LOC128125817: variants seen among roughly 807,000 people sequenced by gnomAD.
the LOC128125817 span, among the ~76,000 whole-genome samples, chr1:41,625,383 T>C: frequency 6.6e-6 from 1 of 152,082 alleles, no homozygotes; most frequent in South Asian, 2.1e-4. Flanking sequence ...CCATAGATAA[T>C]GCATTTAAAA....
the LOC128125817 span, among the ~76,000 whole-genome samples, chr1:41,591,387 C>A: frequency 1.3e-5 from 2 of 152,134 alleles, no homozygotes; most frequent in African/African-American, 4.8e-5. Flanking sequence ...TGGGCAGAGC[C>A]TTGGCCTGCA....
At chr1:41,617,112 T>G in the LOC128125817 span, among the ~76,000 whole-genome samples, 1 of 152,218 alleles carries the variant, frequency 6.6e-6, no homozygotes, top group Non-Finnish European at 1.5e-5. Flanking sequence ...GTCTCAATCT[T>G]GTTACAGCTG....
the LOC128125817 span, among the ~76,000 whole-genome samples, chr1:41,607,714 A>C: frequency 6.6e-6 from 1 of 152,178 alleles, no homozygotes; most frequent in South Asian, 2.1e-4. Flanking sequence ...TAAAGTTAGG[A>C]TATGTATTAG....
chr1:41,608,917 C>CAAAAA, the LOC128125817 span, among the ~76,000 whole-genome samples: 1,310 of 123,494 alleles, frequency 0.011, 16 homozygotes, highest in Middle Eastern at 0.029. Flanking sequence ...CTAAAAATAC[C>CAAAAA]AAAAAAAAAA....
At chr1:41,613,454 T>G in the LOC128125817 span, among the ~76,000 whole-genome samples, 3 of 152,228 alleles carry the variant, frequency 2.0e-5, no homozygotes, top group Admixed American at 6.5e-5. Context: ...ACCTTCATGT[T>G]CTCTGTGCCT....
At chr1:41,615,464 G>A in the LOC128125817 span, among the ~76,000 whole-genome samples, 2 of 152,240 alleles carry the variant, frequency 1.3e-5, no homozygotes, top group Non-Finnish European at 2.9e-5. Flanking sequence ...TAAAGTCCAC[G>A]TTTGACAGGT....
At chr1:41,609,335 C>A in the LOC128125817 span, among the ~76,000 whole-genome samples, 2 of 152,252 alleles carry the variant, frequency 1.3e-5, no homozygotes, top group South Asian at 4.1e-4. Flanking sequence ...CCTAGTTCCA[C>A]TGAGGGTAGG....
chr1:41,591,410 G>A, the LOC128125817 span, among the ~76,000 whole-genome samples: 1 of 152,184 alleles, frequency 6.6e-6, no homozygotes, highest in Non-Finnish European at 1.5e-5. Flanking sequence ...CTGGAGCCAA[G>A]TGGTCCTAGC....
chr1:41,598,460 G>T, the LOC128125817 span, among the ~76,000 whole-genome samples: 1 of 152,226 alleles, frequency 6.6e-6, no homozygotes, highest in African/African-American at 2.4e-5. Flanking sequence ...ATGACTGGGA[G>T]ACTGGGTGAC....
At chr1:41,624,066 A>G in the LOC128125817 span, among the ~76,000 whole-genome samples, 94,605 of 152,012 alleles carry the variant, frequency 0.62, 30,082 homozygotes, top group African/African-American at 0.76. Context: ...CCCAAGCCTC[A>G]GCAGAAGCTC....
At chr1:41,596,994 G>A in the LOC128125817 span, among the ~76,000 whole-genome samples, 1 of 152,128 alleles carries the variant, frequency 6.6e-6, no homozygotes, top group South Asian at 2.1e-4. Context: ...CCTCAATAAT[G>A]AATGGTGGAT....
the LOC128125817 span, among the ~76,000 whole-genome samples, chr1:41,601,090 T>C: frequency 1.3e-5 from 2 of 152,222 alleles, no homozygotes; most frequent in African/African-American, 4.8e-5. Context: ...TTTCGGGTTC[T>C]CTGTTCTGTT....
the LOC128125817 span, among the ~76,000 whole-genome samples, chr1:41,608,124 C>T: frequency 6.6e-6 from 1 of 152,182 alleles, no homozygotes; most frequent in Non-Finnish European, 1.5e-5. Context: ...CTACATAGGG[C>T]TTCCCGTGAG....
chr1:41,617,516 CA>C, the LOC128125817 span, among the ~76,000 whole-genome samples: 6 of 152,224 alleles, frequency 3.9e-5, no homozygotes, highest in Admixed American at 3.9e-4. Context: ...GTTCCTCTGA[CA>C]AGGGCTGCAT....
At chr1:41,609,453 G>C in the LOC128125817 span, among the ~76,000 whole-genome samples, 81 of 152,238 alleles carry the variant, frequency 5.3e-4, no homozygotes, top group Non-Finnish European at 7.9e-4. Context: ...GGCAGGCTGT[G>C]TTTGCCTTTG....
the LOC128125817 span, among the ~76,000 whole-genome samples, chr1:41,615,065 G>T: frequency 3.3e-5 from 5 of 152,068 alleles, no homozygotes; most frequent in Non-Finnish European, 5.9e-5. Flanking sequence ...TGTGCCATTT[G>T]GTGACCACCG....
At chr1:41,598,017 G>C in the LOC128125817 span, among the ~76,000 whole-genome samples, 1 of 152,158 alleles carries the variant, frequency 6.6e-6, no homozygotes, top group Non-Finnish European at 1.5e-5. Flanking sequence ...GATTAAAAGA[G>C]GCATCTGGAC....
the LOC128125817 span, among the ~76,000 whole-genome samples, chr1:41,608,936 T>C: frequency 9.7e-6 from 1 of 103,212 alleles, no homozygotes; most frequent in Non-Finnish European, 1.9e-5. Flanking sequence ...AAAAAAAAAA[T>C]AGCCAGGTGT....
the LOC128125817 span, among the ~76,000 whole-genome samples, chr1:41,587,677 G>A: frequency 2.0e-5 from 3 of 152,208 alleles, no homozygotes; most frequent in African/African-American, 7.2e-5. Context: ...GAGACTGACT[G>A]TCTAGTCCAT....
Sources: allele counts gnomAD v4.1 joint callset (sites outside exome capture counted in the v4.1 genomes callset), GRCh38; gene constraint gnomAD v4.1.1; transcripts MANE v1.5.